Variants in DGLUCY observed in about 807,000 individuals in gnomAD.
DGLUCY encodes D-glutamate cyclase.
DGLUCY carries 58 observed loss-of-function variants against 58.5 expected under a neutral mutation model. The observed-to-expected ratio is 0.99, with a 90% CI of 0.80 to 1.23. The LOEUF (loss-of-function observed/expected upper bound fraction) is 1.23. Ranked by LOEUF, DGLUCY falls within the 50% of genes most tolerant of loss-of-function variation. The pLI is 0.00. For missense variants in DGLUCY, 779 were observed against 784.7 expected (o/e 0.99, Z 0.09); for synonymous variants, 325 against 314.1 (o/e 1.03, Z -0.37).
chr14:91,193,303 A>G (rs1006005165), intron 9 of DGLUCY, among the ~76,000 whole-genome samples: 3 of 152,142 alleles, frequency 2.0e-5, no homozygotes, highest in African/African-American at 7.2e-5. Flanking sequence ...GGGTATTTTC[A>G]GCTGCCCCCT....
rs1259364116 is a variant in DGLUCY, at chr14:91,182,629, C to T, written c.934+1240C>T. On this transcript the variant is annotated intron_variant, in intron 8 of 13. Transcript: ENST00000256324. The stretch of plus-strand genomic sequence containing the variant: ...GATTTAGTGATGTCCCTAATCTCCC[C>T]CTTTAGTGCCATTGCCCTGGGGTTG... Among the ~76,000 whole-genome samples, 6 of 152,216 alleles carry T rather than the reference C, an allele frequency of 3.9e-5. No individual in the cohort carries two copies. The South Asian group carries it at 1.0e-3, about 26-fold the overall frequency.
At chr14:91,142,395 A>G (rs2046750317) in intron 1 of DGLUCY, among the ~76,000 whole-genome samples, 1 of 152,200 alleles carries the variant, frequency 6.6e-6, no homozygotes, top group South Asian at 2.1e-4. Context: ...CACGGCTTCC[A>G]TTAGAAAGAT....
intron 1 of DGLUCY, among the ~76,000 whole-genome samples, chr14:91,141,219 C>T (rs2046649182): frequency 6.6e-6 from 1 of 151,850 alleles, no homozygotes; most frequent in African/African-American, 2.4e-5. Flanking sequence ...ATCCCTGTCT[C>T]TACTAAAAAT....
chr14:91,181,970 T>TTTA (rs2049205688), intron 8 of DGLUCY, among the ~76,000 whole-genome samples: 1 of 150,080 alleles, frequency 6.7e-6, no homozygotes, highest in Non-Finnish European at 1.5e-5. Flanking sequence ...TGGCTTTTTA[T>TTTA]TTATTTATTT....
At chr14:91,088,937 G>A (rs189517349) in intron 1 of DGLUCY, among the ~76,000 whole-genome samples, 118 of 152,330 alleles carry the variant, frequency 7.7e-4, no homozygotes, top group African/African-American at 2.7e-3. Flanking sequence ...GCATCTCTCT[G>A]TGGAAACTAA....
In DGLUCY at chr14:91,170,156, C is replaced by T. The variant is rs2048497081; in HGVS notation, c.411C>T (p.Leu137=). ...SLEEALEKAG[L]PRRDPAGHSQ... ...AGGAGGCCTTGGAGAAAGCGGGGCT[C>T]CCCAGAAGAGACCCAGCAGGTCACA... Residue 137 remains leucine, a synonymous_variant, in exon 5 of 14, where the codon CTC becomes CTT. Coordinates refer to ENST00000256324, the MANE Select transcript of DGLUCY (RefSeq NM_001102368.3). The T allele has an allele frequency of 6.2e-7, 1 of 1,613,678 alleles. No individual in the cohort carries two copies.
exon 1 of DGLUCY, chr14:91,060,652 C>A (rs994118582): frequency 6.4e-5 from 32 of 501,814 alleles, no homozygotes; most frequent in African/African-American, 6.2e-4. Context: ...GCAACCAAAC[C>A]GCCCCCTGCT....
intron 1 of DGLUCY, among the ~76,000 whole-genome samples, chr14:91,089,679 G>A (rs2044277508): frequency 6.6e-6 from 1 of 151,896 alleles, no homozygotes; most frequent in Non-Finnish European, 1.5e-5. Context: ...AAATTAACCA[G>A]GCATAGTGGC....
At chr14:91,221,843 C>T (rs1158493919) in intron 13 of DGLUCY, among the ~76,000 whole-genome samples, 1 of 152,146 alleles carries the variant, frequency 6.6e-6, no homozygotes, top group African/African-American at 2.4e-5. Flanking sequence ...CTTGCAACCA[C>T]CACCAAGATT....
At chr14:91,224,600 T>G in intron 13 of DGLUCY, 84 bp from the exon 14 acceptor site, 1 of 1,364,440 alleles carries the variant, frequency 7.3e-7, no homozygotes, top group Non-Finnish European at 9.7e-7. Context: ...AGGCAAAGGA[T>G]CCTTCTCACT....
At chr14:91,066,405 A>G (rs984261468) in intron 1 of DGLUCY, among the ~76,000 whole-genome samples, 1 of 148,606 alleles carries the variant, frequency 6.7e-6, no homozygotes, top group Non-Finnish European at 1.5e-5. Flanking sequence ...AAAAAAAAAA[A>G]GAAGGAAAGA....
At chr14:91,146,900 A>T (rs2047042266) in intron 1 of DGLUCY, among the ~76,000 whole-genome samples, 1 of 152,014 alleles carries the variant, frequency 6.6e-6, no homozygotes, top group African/African-American at 2.4e-5. Context: ...GGGGCTGCCA[A>T]GCTGTTCCCC....
chr14:91,062,558 A>AAAATATAT (rs1555386902), intron 1 of DGLUCY, among the ~76,000 whole-genome samples: 13 of 23,694 alleles, frequency 5.5e-4, no homozygotes, highest in South Asian at 1.4e-3. Flanking sequence ...AAAAAAAAAA[A>AAAATATAT]ATATATATAT....
chr14:91,186,148 C>G (rs1323326005), intron 8 of DGLUCY, among the ~76,000 whole-genome samples: 1 of 152,130 alleles, frequency 6.6e-6, no homozygotes, highest in Non-Finnish European at 1.5e-5. Flanking sequence ...TTACAGTTGA[C>G]CAAGTTCTCA....
intron 8 of DGLUCY, among the ~76,000 whole-genome samples, chr14:91,187,965 T>C (rs1025176981): frequency 6.6e-6 from 1 of 152,316 alleles, no homozygotes; most frequent in Middle Eastern, 3.4e-3. Context: ...CCCCAGCTAA[T>C]GGTGCTGTCT....
intron 1 of DGLUCY, among the ~76,000 whole-genome samples, chr14:91,146,377 C>T (rs1042882863): frequency 1.3e-4 from 20 of 152,202 alleles, no homozygotes; most frequent in Admixed American, 4.6e-4. Flanking sequence ...TCCCTGAGCA[C>T]AATTTCCAGC....
chr14:91,182,784 T>C (rs1185495358), intron 8 of DGLUCY, among the ~76,000 whole-genome samples: 1 of 152,182 alleles, frequency 6.6e-6, no homozygotes, highest in Non-Finnish European at 1.5e-5. Flanking sequence ...AACTTGTATA[T>C]TGTATAACGC....
At chr14:91,091,895 A>C (rs908505543) in intron 1 of DGLUCY, among the ~76,000 whole-genome samples, 14 of 152,098 alleles carry the variant, frequency 9.2e-5, no homozygotes, top group Non-Finnish European at 1.6e-4. Flanking sequence ...TCTGCTCTAA[A>C]ACATCAGTGG....
At chr14:91,186,712 C>T (rs1040514167) in intron 8 of DGLUCY, among the ~76,000 whole-genome samples, 1 of 152,162 alleles carries the variant, frequency 6.6e-6, no homozygotes, top group African/African-American at 2.4e-5. Flanking sequence ...AGAAGTGACT[C>T]GCTGGCTCCA....
Sources: gnomAD v4.1 joint callset for allele counts (sites outside exome capture counted in the v4.1 genomes callset) on GRCh38, gnomAD v4.1.1 for gene constraint, MANE v1.5 for transcripts, NCBI Gene and HGNC (gene_info 2026-07-23, HGNC 2026-07-21) for gene names.